The following RTN1 variants were observed in gnomAD, a reference collection of about 807,000 sequenced individuals.
The protein encoded by RTN1 is reticulon 1, also known as reticulon-1.
In RTN1, 25 loss-of-function variants were observed where a neutral mutation model predicts 65.5. That is an observed-to-expected ratio of 0.38 (90% CI 0.28 to 0.53). The LOEUF is 0.53. Ranked by LOEUF, RTN1 falls within the 20% of genes least tolerant of loss-of-function variation. The pLI is 0.79. For synonymous variants in RTN1, 471 were observed against 447.6 expected (o/e 1.05, Z -0.66); for missense variants, 983 against 1,025.4 (o/e 0.96, Z 0.57).
At chr14:59,732,344 G>T (rs187743349) in intron 2 of RTN1, among the ~76,000 whole-genome samples, 77 of 152,262 alleles carry the variant, frequency 5.1e-4, no homozygotes, top group Non-Finnish European at 7.1e-4. Flanking sequence ...AATCAGCTTC[G>T]GTCCCTGGCA....
chr14:59,869,315 C>T (rs996776100), intron 1 of RTN1, among the ~76,000 whole-genome samples: 2 of 151,912 alleles, frequency 1.3e-5, no homozygotes, highest in African/African-American at 4.8e-5. Context: ...GCACCCCCCA[C>T]CCCAGGCCTT....
intron 1 of RTN1, among the ~76,000 whole-genome samples, chr14:59,768,990 T>C (rs1007327370): frequency 1.3e-5 from 2 of 152,164 alleles, no homozygotes; most frequent in Non-Finnish European, 2.9e-5. Flanking sequence ...TTCTGTAGGA[T>C]GTAGGACTTT....
intron 1 of RTN1, among the ~76,000 whole-genome samples, chr14:59,762,892 A>C (rs1470284952): frequency 6.6e-6 from 1 of 152,230 alleles, no homozygotes; most frequent in Non-Finnish European, 1.5e-5. Context: ...CTTTTAACAG[A>C]GTATGCCTTG....
At position 59,603,252 on chromosome 14, in the gene RTN1, A is replaced by G; in HGVS notation, c.2189T>C (p.Val730Ala). 6.2e-7 allele frequency: 1 copy of G among 1,612,644 alleles called. No homozygotes were observed. The highest frequency in any genetic ancestry group is 2.2e-5 in the East Asian group (1 of 44,812). Reference protein sequence around the residue: ...NGLTLLLMAVVSMFTLPVVYV... With the variant: ...NGLTLLLMAVASMFTLPVVYV... ...CACTACAGGTAGAGTAAACATTGAA[A>G]CCACAGCTGGGATGAAAAACAAATA... The change falls in exon 7 of 9, where the codon GTT (valine) becomes GCT (alanine). Residue 730 changes from valine (V) to alanine (A), a missense_variant. Transcript: ENST00000267484.
At chr14:59,628,408 AAAC>A (rs551216693) in intron 3 of RTN1, among the ~76,000 whole-genome samples, 7 of 152,250 alleles carry the variant, frequency 4.6e-5, no homozygotes, top group South Asian at 2.1e-4. Context: ...TAAAAATGCT[AAAC>A]AACAACAACA....
At chr14:59,765,937 G>GA (rs537501918) in intron 1 of RTN1, among the ~76,000 whole-genome samples, 12 of 152,186 alleles carry the variant, frequency 7.9e-5, no homozygotes, top group African/African-American at 2.9e-4. Flanking sequence ...TGCTTTAAAA[G>GA]AAAAAAACTT....
chr14:59,768,946 G>A (rs1885901317), intron 1 of RTN1, among the ~76,000 whole-genome samples: 1 of 152,124 alleles, frequency 6.6e-6, no homozygotes, highest in Non-Finnish European at 1.5e-5. Context: ...TTTTCTAGGT[G>A]ACCAATCACC....
rs529622346 is a variant in RTN1 at position 59,784,779 on chromosome 14, T to A, written c.242-38298A>T. 7.2e-5 allele frequency among the ~76,000 whole-genome samples: 11 copies of A among 152,318 alleles called. No homozygotes were observed. In the South Asian group the frequency reaches 2.3e-3, roughly 32 times the overall value. On this transcript the variant is annotated intron_variant, in intron 1 of 8. Transcript: ENST00000267484. ...TCATATTTTATGTTGTAGTTAAGTA[T>A]AATAACTCTTGGTAGCTGAGGAGTA...
At chr14:59,658,094 TG>T (rs1416522069) in intron 3 of RTN1, among the ~76,000 whole-genome samples, 2 of 152,230 alleles carry the variant, frequency 1.3e-5, no homozygotes, top group Non-Finnish European at 2.9e-5. Context: ...CTTGAGTATG[TG>T]GTTTCCCCCT....
intron 3 of RTN1, among the ~76,000 whole-genome samples, chr14:59,698,859 G>A (rs547060345): frequency 5.3e-5 from 8 of 152,178 alleles, no homozygotes; most frequent in Non-Finnish European, 1.2e-4. Flanking sequence ...TTATGTGCCA[G>A]ATAAATTCAC....
chr14:59,720,834 C>G (rs575239944), intron 3 of RTN1, among the ~76,000 whole-genome samples: 1 of 152,160 alleles, frequency 6.6e-6, no homozygotes, highest in African/African-American at 2.4e-5. Context: ...AGTTACTGGT[C>G]CATCTTGTTG....
intron 3 of RTN1, among the ~76,000 whole-genome samples, chr14:59,680,805 A>G (rs1396710275): frequency 6.6e-6 from 1 of 152,204 alleles, no homozygotes; most frequent in African/African-American, 2.4e-5. Context: ...TGAACAATAG[A>G]GAATGTGTAA....
chr14:59,700,182 G>A (rs1018015134), intron 3 of RTN1, among the ~76,000 whole-genome samples: 1 of 152,018 alleles, frequency 6.6e-6, no homozygotes, highest in South Asian at 2.1e-4. Context: ...TTTTAAAAGT[G>A]CAAGACTTGT....
At chr14:59,671,768 A>C (rs1490207870) in intron 3 of RTN1, among the ~76,000 whole-genome samples, 1 of 152,222 alleles carries the variant, frequency 6.6e-6, no homozygotes, top group Non-Finnish European at 1.5e-5. Flanking sequence ...TGAAAAGGCC[A>C]ATGCTTAGGC....
rs1486725713 is a variant in RTN1, at chr14:59,603,041, T to C, written c.2288+24A>G. 2.5e-6 allele frequency: 4 copies of C among 1,601,076 alleles called. No homozygotes were observed. The African/African-American group carries it at 5.4e-5, about 21-fold the overall frequency. On this transcript the variant is annotated intron_variant, in intron 8 of 8. Coordinates refer to ENST00000267484, the MANE Select transcript of RTN1 (RefSeq NM_021136.3). Reference sequence around the variant, plus strand: ...GCTGATGTAAGAGAGTCTCTCCTTTTATGCATTGCACTATGTGACTTACTT... The same window carrying C: ...GCTGATGTAAGAGAGTCTCTCCTTTCATGCATTGCACTATGTGACTTACTT...
intron 3 of RTN1, among the ~76,000 whole-genome samples, chr14:59,655,224 A>C (rs1206158947): frequency 6.6e-6 from 1 of 152,236 alleles, no homozygotes; most frequent in African/African-American, 2.4e-5. Context: ...AGAAGGAATA[A>C]AATACTTAGG....
chr14:59,668,898 CAAT>C (rs1883439734), intron 3 of RTN1, among the ~76,000 whole-genome samples: 1 of 152,082 alleles, frequency 6.6e-6, no homozygotes. Flanking sequence ...ATCAGAACCA[CAAT>C]GAGATGCCAT....
chr14:59,661,533 C>T (rs1270993318), intron 3 of RTN1, among the ~76,000 whole-genome samples: 1 of 152,150 alleles, frequency 6.6e-6, no homozygotes, highest in Non-Finnish European at 1.5e-5. Flanking sequence ...TCCAGCAGCA[C>T]ATCAAAAAGC....
intron 3 of RTN1, among the ~76,000 whole-genome samples, chr14:59,620,545 C>T (rs1882227370): frequency 6.6e-6 from 1 of 152,196 alleles, no homozygotes; most frequent in African/African-American, 2.4e-5. Context: ...TACTTTTGAT[C>T]TATTAATACA....
Sources: gnomAD v4.1 joint callset for allele counts (sites outside exome capture counted in the v4.1 genomes callset) on GRCh38, gnomAD v4.1.1 for gene constraint, MANE v1.5 for transcripts, NCBI Gene and HGNC (gene_info 2026-07-23, HGNC 2026-07-21) for gene names.